Variants in SPATA6 observed in about 807,000 individuals in gnomAD.
SPATA6 encodes spermatogenesis-associated protein 6.
Under a neutral mutation model 65.3 loss-of-function variants are expected in SPATA6, and 56 were observed. The ratio of observed to expected loss-of-function variants is 0.86; its 90% CI spans 0.69 to 1.07. The LOEUF (loss-of-function observed/expected upper bound fraction) is 1.07, where lower values mean the gene tolerates loss of function less well. Among genes scored for constraint, SPATA6 ranks in the 50% least tolerant of loss-of-function variants. The probability of loss-of-function intolerance (pLI) is 0.00; values close to 1 mark genes in which losing one functional copy is unlikely to be tolerated. For synonymous variants in SPATA6, 199 were observed against 213.2 expected (o/e 0.93, Z 0.58); for missense variants, 590 against 594.8 (o/e 0.99, Z 0.08).
chr1:48,323,459 C>T (rs1645659740), intron 11 of SPATA6, among the ~76,000 whole-genome samples: 1 of 151,824 alleles, frequency 6.6e-6, no homozygotes, highest in Non-Finnish European at 1.5e-5. Context: ...AGGAGAAATA[C>T]CTGACGTAAA....
At chr1:48,276,241 G>A in the SPATA6 span, among the ~76,000 whole-genome samples, 2 of 151,894 alleles carry the variant, frequency 1.3e-5, no homozygotes, top group Non-Finnish European at 2.9e-5. Flanking sequence ...TTCTATATTA[G>A]TCTGGCCAGC....
chr1:48,364,649 GTT>G, intron 9 of SPATA6, among the ~76,000 whole-genome samples: 1 of 152,170 alleles, frequency 6.6e-6, no homozygotes, highest in East Asian at 1.9e-4. Context: ...TGATGGGGTT[GTT>G]TTTTTCTTGT....
At chr1:48,363,231 C>G (rs76719177) in intron 9 of SPATA6, among the ~76,000 whole-genome samples, 1 of 152,068 alleles carries the variant, frequency 6.6e-6, no homozygotes, top group Non-Finnish European at 1.5e-5. Context: ...AAACTTAAAG[C>G]CTTCAGCCTT....
At chr1:48,434,169 T>G (rs1183020254) in intron 3 of SPATA6, among the ~76,000 whole-genome samples, 1 of 150,370 alleles carries the variant, frequency 6.7e-6, no homozygotes, top group Non-Finnish European at 1.5e-5. Context: ...GGCAGTTATA[T>G]GAAGCATTTT....
chr1:48,358,045 A>T (rs552804485), intron 10 of SPATA6, among the ~76,000 whole-genome samples: 241 of 152,226 alleles, frequency 1.6e-3, no homozygotes, highest in Non-Finnish European at 2.7e-3. Context: ...TACTACATCT[A>T]TCATCCTGAG....
At chr1:48,376,230 A>G (rs1483091731) in intron 9 of SPATA6, among the ~76,000 whole-genome samples, 1 of 152,138 alleles carries the variant, frequency 6.6e-6, no homozygotes, top group Admixed American at 6.5e-5. Flanking sequence ...AATCCCCTTC[A>G]GAATGGGACA....
rs1646289598 is a variant in SPATA6 at position 48,343,921 on chromosome 1, A to G, written c.1194+11749T>C. 3.3e-5 allele frequency among the ~76,000 whole-genome samples: 5 copies of G among 152,164 alleles called. No homozygotes were observed. The South Asian group carries it at 1.0e-3, about 32-fold the overall frequency. ...AAGAAAATCCCCAGTTAATAACAGTAGAAAAATTAAATAACAATATAACTC... is the reference window on the plus strand; with the variant it reads ...AAGAAAATCCCCAGTTAATAACAGTGGAAAAATTAAATAACAATATAACTC... On this transcript the variant is annotated intron_variant, in intron 11 of 12. Transcript: ENST00000371847.
chr1:48,471,351 G>A (rs1018430818), intron 1 of SPATA6, among the ~76,000 whole-genome samples: 1 of 152,190 alleles, frequency 6.6e-6, no homozygotes, highest in South Asian at 2.1e-4. Context: ...GGACGGGAGG[G>A]GCCTGAAGTG....
At chr1:48,318,732 C>A (rs1324485691) in intron 11 of SPATA6, among the ~76,000 whole-genome samples, 1 of 152,108 alleles carries the variant, frequency 6.6e-6, no homozygotes, top group East Asian at 1.9e-4. Context: ...AATTCCTATA[C>A]AATTCCGGCC....
intron 12 of SPATA6, among the ~76,000 whole-genome samples, chr1:48,299,908 GA>G (rs1187364967): frequency 1.3e-5 from 2 of 152,106 alleles, no homozygotes; most frequent in Non-Finnish European, 2.9e-5. Flanking sequence ...TCAAGGAGTA[GA>G]AAATTAGGCT....
the SPATA6 span, among the ~76,000 whole-genome samples, chr1:48,282,840 C>A: frequency 6.6e-6 from 1 of 152,110 alleles, no homozygotes; most frequent in African/African-American, 2.4e-5. Flanking sequence ...TCGGTATATA[C>A]CCAAAGGACT....
intron 12 of SPATA6, 145 bp from the exon 13 acceptor site, chr1:48,299,038 C>T (rs1329007395): frequency 2.7e-6 from 2 of 732,370 alleles, no homozygotes; most frequent in Non-Finnish European, 4.1e-6. Flanking sequence ...AAGGCCTGTG[C>T]TTTCAAAGAG....
At chr1:48,322,206 T>G (rs1206629287) in intron 11 of SPATA6, among the ~76,000 whole-genome samples, 1 of 151,910 alleles carries the variant, frequency 6.6e-6, no homozygotes, top group Non-Finnish European at 1.5e-5. Context: ...TAAAGTTGAA[T>G]TAAATAAAAC....
chr1:48,278,996 T>C, the SPATA6 span, among the ~76,000 whole-genome samples: 2 of 152,174 alleles, frequency 1.3e-5, no homozygotes, highest in Non-Finnish European at 2.9e-5. Flanking sequence ...GCAGAAACTC[T>C]ACAAGCCAGA....
At chr1:48,386,836 A>G (rs1649522127) in intron 8 of SPATA6, among the ~76,000 whole-genome samples, 1 of 152,154 alleles carries the variant, frequency 6.6e-6, no homozygotes, top group Non-Finnish European at 1.5e-5. Context: ...ATGGCAAGGC[A>G]CCACTTTAGA....
intron 3 of SPATA6, among the ~76,000 whole-genome samples, chr1:48,427,841 G>A (rs1374112867): frequency 1.3e-5 from 2 of 152,166 alleles, no homozygotes; most frequent in Non-Finnish European, 2.9e-5. Context: ...CATAGCACCT[G>A]TGACAGCTAT....
intron 11 of SPATA6, among the ~76,000 whole-genome samples, chr1:48,334,093 C>T (rs2148738648): frequency 6.6e-6 from 1 of 152,178 alleles, no homozygotes; most frequent in African/African-American, 2.4e-5. Flanking sequence ...GAAATTGAAT[C>T]TGTGAACAGA....
the SPATA6 span, among the ~76,000 whole-genome samples, chr1:48,287,141 T>A: frequency 6.6e-6 from 1 of 151,278 alleles, no homozygotes; most frequent in Admixed American, 6.6e-5. Flanking sequence ...AAGCTTCCAA[T>A]CATGCCAGAA....
intron 3 of SPATA6, among the ~76,000 whole-genome samples, chr1:48,414,115 C>T (rs372511932): frequency 2.6e-4 from 39 of 152,186 alleles, no homozygotes; most frequent in African/African-American, 8.9e-4. Context: ...TTGTGTGGGT[C>T]GCCTGAACTG....
Sources: allele counts gnomAD v4.1 joint callset (sites outside exome capture counted in the v4.1 genomes callset), GRCh38; gene constraint gnomAD v4.1.1; transcripts MANE v1.5; gene names NCBI Gene and HGNC (gene_info 2026-07-23, HGNC 2026-07-21).